Variants in PLEKHG1 observed in about 807,000 individuals in gnomAD.
PLEKHG1 encodes the protein pleckstrin homology and RhoGEF domain containing G1.
Under a neutral mutation model 100.8 loss-of-function variants are expected in PLEKHG1, and 44 were observed. The ratio of observed to expected loss-of-function variants is 0.44; its 90% confidence interval spans 0.34 to 0.56. The LOEUF is 0.56. Ranked by LOEUF, PLEKHG1 falls within the 20% of genes least tolerant of loss-of-function variation. PLEKHG1 has a pLI of 0.01. For synonymous variants in PLEKHG1, 640 were observed against 662.5 expected (o/e 0.97, Z 0.52); for missense variants, 1,545 against 1,720.9 (o/e 0.90, Z 1.81).
intron 2 of PLEKHG1, among the ~76,000 whole-genome samples, chr6:150,751,669 CAAATG>C (rs937867888): frequency 2.0e-5 from 3 of 152,106 alleles, no homozygotes; most frequent in African/African-American, 7.2e-5. Context: ...TAGCCCATGG[CAAATG>C]GACGGGGGTA....
intron 13 of PLEKHG1, among the ~76,000 whole-genome samples, chr6:150,821,843 T>A (rs201552412): frequency 7.1e-6 from 1 of 141,268 alleles, no homozygotes; most frequent in African/African-American, 2.6e-5. Flanking sequence ...TTTTTTTTTT[T>A]ATTTTTTTAT....
At chr6:150,724,291 A>C (rs532974323) in intron 1 of PLEKHG1, among the ~76,000 whole-genome samples, 1 of 152,336 alleles carries the variant, frequency 6.6e-6, no homozygotes, top group South Asian at 2.1e-4. Context: ...ACTTGACCAC[A>C]TGGCCAATAT....
chr6:150,821,292 A>G, intron 13 of PLEKHG1, 59 bp downstream of exon 14: 1 of 1,079,018 alleles, frequency 9.3e-7, no homozygotes, highest in South Asian at 1.3e-5. Flanking sequence ...AAATCAAACC[A>G]CACAAAAATA....
At chr6:150,617,467 T>C (rs928448383) in intron 1 of PLEKHG1, among the ~76,000 whole-genome samples, 5 of 152,224 alleles carry the variant, frequency 3.3e-5, no homozygotes, top group African/African-American at 1.2e-4. Flanking sequence ...TGTGGCAGAA[T>C]CCACTTGTAC....
chr6:150,764,311 G>C (rs1251680500), intron 2 of PLEKHG1, among the ~76,000 whole-genome samples: 1 of 151,774 alleles, frequency 6.6e-6, no homozygotes, highest in African/African-American at 2.4e-5. Context: ...TAGAGATGGG[G>C]TTTCACCACG....
At chr6:150,712,253 T>C (rs1362591813) in intron 3 of PLEKHG1, among the ~76,000 whole-genome samples, 2 of 152,136 alleles carry the variant, frequency 1.3e-5, no homozygotes, top group Non-Finnish European at 2.9e-5. Flanking sequence ...TATTTCCCTC[T>C]CTTTCTGCTT....
intron 2 of PLEKHG1, among the ~76,000 whole-genome samples, chr6:150,746,438 A>T (rs900720661): frequency 6.6e-6 from 1 of 152,208 alleles, no homozygotes. Flanking sequence ...GAGTTCTATG[A>T]TAGACCCTTG....
intron 3 of PLEKHG1, among the ~76,000 whole-genome samples, chr6:150,694,278 T>A (rs12215235): frequency 0.025 from 3,882 of 152,318 alleles, 75 homozygotes; most frequent in Non-Finnish European, 0.037. Context: ...CACTCCTTAC[T>A]AGTTGTGTGA....
At chr6:150,722,470 T>G (rs955391058) in intron 1 of PLEKHG1, among the ~76,000 whole-genome samples, 1 of 149,794 alleles carries the variant, frequency 6.7e-6, no homozygotes, top group Admixed American at 6.7e-5. Context: ...TCTCCTGCCA[T>G]AGTTTCCTGA....
intron 1 of PLEKHG1, among the ~76,000 whole-genome samples, chr6:150,633,535 G>A (rs762815207): frequency 3.9e-5 from 6 of 152,178 alleles, no homozygotes; most frequent in Non-Finnish European, 8.8e-5. Flanking sequence ...CTGCTCTCTG[G>A]GCACTGGGAA....
At chr6:150,703,666 A>T (rs1347091377) in intron 3 of PLEKHG1, among the ~76,000 whole-genome samples, 4 of 152,152 alleles carry the variant, frequency 2.6e-5, no homozygotes, top group Non-Finnish European at 5.9e-5. Flanking sequence ...ATTAAAAAAA[A>T]TCAGTCTAGA....
At chr6:150,639,872 A>G (rs958097209) in intron 2 of PLEKHG1, among the ~76,000 whole-genome samples, 5 of 152,256 alleles carry the variant, frequency 3.3e-5, no homozygotes, top group Non-Finnish European at 2.9e-5. Flanking sequence ...TTCTGTATCA[A>G]TGATGCTGCC....
intron 3 of PLEKHG1, among the ~76,000 whole-genome samples, chr6:150,697,099 GA>G (rs56882210): frequency 3.5e-5 from 5 of 144,472 alleles, no homozygotes; most frequent in Admixed American, 1.4e-4. Flanking sequence ...TCTGTCTAAA[GA>G]AAAAAAAAAA....
intron 3 of PLEKHG1, among the ~76,000 whole-genome samples, chr6:150,691,388 G>T (rs766397448): frequency 6.6e-6 from 1 of 152,118 alleles, no homozygotes. Context: ...AGGGATGAGT[G>T]AAATAATGTT....
chr6:150,631,015 AGG>A (rs1439817946), intron 1 of PLEKHG1, among the ~76,000 whole-genome samples: 1 of 152,114 alleles, frequency 6.6e-6, no homozygotes, highest in East Asian at 1.9e-4. Flanking sequence ...GATGGAGTGG[AGG>A]GGGCCAAAGT....
At chr6:150,801,736 G>A (rs1562530300) in intron 6 of PLEKHG1, among the ~76,000 whole-genome samples, 3 of 151,904 alleles carry the variant, frequency 2.0e-5, no homozygotes, top group Admixed American at 6.6e-5. Flanking sequence ...CACCACGCCC[G>A]TCCTCAAATT....
rs1310292076 is a variant in PLEKHG1, at chr6:150,738,045, C to T, written c.411+3953C>T. ...TCCAGGCTGGTCTCAAACTGCCAGC[C>T]TCAAGAGATCCCTTTGCCTCAGCCT... is the stretch of plus-strand genomic sequence containing the variant. On this transcript the variant is annotated intron_variant, in intron 2 of 15. Coordinates refer to ENST00000358517, the Ensembl canonical transcript of PLEKHG1. Among the ~76,000 whole-genome samples the T allele has an allele frequency of 2.6e-5, 4 of 151,862 alleles. No individual in the cohort carries two copies. The East Asian group carries it at 5.8e-4, about 22-fold the overall frequency.
At chr6:150,681,214 T>C (rs987913092) in intron 3 of PLEKHG1, among the ~76,000 whole-genome samples, 1 of 152,112 alleles carries the variant, frequency 6.6e-6, no homozygotes, top group African/African-American at 2.4e-5. Context: ...GTAGTGGTTA[T>C]CACTTGGAGA....
In PLEKHG1 at chr6:150,750,780, CAAAAAAAAA is replaced by C; in HGVS notation, c.411+16703_411+16711del. Among the ~76,000 whole-genome samples, 2 of 37,402 alleles carry C rather than the reference CAAAAAAAAA, an allele frequency of 5.3e-5. 1 individual carries two copies. Among genetic ancestry groups the C allele is most frequent in the Admixed American group, 6.1e-4 (2 of 3,288 alleles). The allele number at this position is 37,402 out of a possible 152,430, so 24.5% of individuals were successfully genotyped here. A position where few individuals can be genotyped will look rare whatever the true frequency, so the allele number is the denominator to read the frequency against. ...TGGGCGACAGAGCGAGACTCCATCTCAAAAAAAAAAAAAAAAAAAAAAAGGCGGCACAAA... is the reference window on the plus strand; with the variant it reads ...TGGGCGACAGAGCGAGACTCCATCTCAAAAAAAAAAAAAAGGCGGCACAAA... On this transcript the variant is annotated intron_variant, in intron 2 of 15. Coordinates refer to ENST00000358517, the Ensembl canonical transcript of PLEKHG1.
Sources: gnomAD v4.1 joint callset for allele counts (sites outside exome capture counted in the v4.1 genomes callset) on GRCh38, gnomAD v4.1.1 for gene constraint, MANE v1.5 for transcripts, NCBI Gene and HGNC (gene_info 2026-07-23, HGNC 2026-07-21) for gene names.